Variants in ATP7A observed in about 807,000 individuals in gnomAD.
ATP7A encodes the protein ATPase copper transporting alpha.
Under a neutral mutation model 83.5 loss-of-function variants are expected in ATP7A, and 7 were observed. That is an observed-to-expected ratio of 0.08 (90% CI 0.05 to 0.16). The LOEUF is 0.16. ATP7A is among the 10% of genes least tolerant of loss of function. The pLI is 1.00. For missense variants in ATP7A, 940 were observed against 1,120.8 expected, an observed-to-expected ratio of 0.84 and a Z score of 2.30; for synonymous variants, 354 against 395.2, an observed-to-expected ratio of 0.90 and a Z score of 1.24.
rs1453625367 is a variant in ATP7A, at chrX:78,002,993, A to G, written c.1544-80A>G. On this transcript the variant is annotated intron_variant, in intron 5 of 22. Coordinates refer to ENST00000341514, the MANE Select transcript of ATP7A (RefSeq NM_000052.7). The stretch of plus-strand genomic sequence containing the variant: ...CTTAAGAGAAATCCTTTCATACTTG[A>G]TAATACTAAGAAGTAATTATAACAT... 10 of 995,727 alleles carry G rather than the reference A, an allele frequency of 1.0e-5. No individual in the cohort carries two copies. The East Asian group carries it at 3.2e-4, about 31-fold the overall frequency. The allele number at this position is 995,727 out of a possible 1,213,427, so 82.1% of individuals were successfully genotyped here.
intron 4 of ATP7A, among the ~76,000 whole-genome samples, chrX:77,992,393 C>T (rs1327403077): frequency 9.0e-6 from 1 of 110,547 alleles, no homozygotes; most frequent in Non-Finnish European, 1.9e-5. Flanking sequence ...AAAAGAGATA[C>T]ATAGTTCTCT....
chrX:77,956,726 C>CCTTTCTTT (rs202001825), intron 1 of ATP7A, among the ~76,000 whole-genome samples: 10,819 of 73,539 alleles, frequency 0.15, 978 homozygotes, highest in Middle Eastern at 0.18. Context: ...TACCCAGTCT[C>CCTTTCTTT]CTTTCTTTCT....
At chrX:78,039,355 C>T (rs941118688) in intron 18 of ATP7A, among the ~76,000 whole-genome samples, 6 of 110,659 alleles carry the variant, frequency 5.4e-5, no homozygotes, top group African/African-American at 1.3e-4. Context: ...TTTTTTGAGA[C>T]GGAGTTTCTC....
At chrX:77,916,096 T>A (rs1232654676) in intron 1 of ATP7A, among the ~76,000 whole-genome samples, 1 of 111,006 alleles carries the variant, frequency 9.0e-6, no homozygotes, top group Non-Finnish European at 1.9e-5. Flanking sequence ...GGCTCACGCC[T>A]GTAATCTCAG....
intron 2 of ATP7A, chrX:77,974,820 T>G (rs1411944120): frequency 6.8e-6 from 2 of 295,380 alleles, no homozygotes; most frequent in African/African-American, 5.5e-5. Flanking sequence ...TAAGCCTCAC[T>G]TGGTCCAAGA....
intron 4 of ATP7A, among the ~76,000 whole-genome samples, chrX:77,995,587 AAGAG>A (rs1557232460): frequency 1.9e-5 from 2 of 107,569 alleles, no homozygotes; most frequent in Non-Finnish European, 3.8e-5. Context: ...AAAAAAAAAA[AAGAG>A]GTAGTGAGAA....
intron 2 of ATP7A, among the ~76,000 whole-genome samples, chrX:77,986,858 C>G (rs1166073756): frequency 8.9e-6 from 1 of 112,010 alleles, no homozygotes; most frequent in African/African-American, 3.2e-5. Flanking sequence ...CCAGAATGAT[C>G]CTTCTCTAAA....
intron 4 of ATP7A, among the ~76,000 whole-genome samples, chrX:77,994,673 G>C (rs1244396021): frequency 1.8e-5 from 2 of 110,440 alleles, no homozygotes; most frequent in Non-Finnish European, 3.8e-5. Flanking sequence ...CTGAGTGGCT[G>C]GGACTATAGG....
chrX:77,984,946 G>A (rs2077626797), intron 2 of ATP7A, among the ~76,000 whole-genome samples: 1 of 112,136 alleles, frequency 8.9e-6, no homozygotes, highest in African/African-American at 3.2e-5. Context: ...AGTATTTTAT[G>A]CATAGTTTTC....
chrX:77,989,259 A>G lies in ATP7A; in HGVS notation c.637A>G (p.Ile213Val), dbSNP rs1557231735. 8.3e-7 allele frequency: 1 copy of G among 1,207,954 alleles called. No homozygotes were observed. Among genetic ancestry groups the G allele is most frequent in the Admixed American group, 2.2e-5 (1 of 45,883 alleles). ...KVSLDNQEATIVYQPHLISVE... is the reference protein window; with the variant it reads ...KVSLDNQEATVVYQPHLISVE... ...CTCCCTGGACAATCAAGAAGCTACT[A>G]TTGTTTATCAACCTCATCTTATCTC... Residue 213 changes from isoleucine (I) to valine (V), a missense_variant, in exon 4 of 23, where the codon ATT becomes GTT. Ile to Val is a conservative substitution (Grantham distance 29). This residue lies in a region of ATP7A where 350 missense variants were observed against 432.8 expected (regional missense o/e 0.81). Transcript: ENST00000341514.
At chrX:77,931,662 C>T (rs1557224306) in intron 1 of ATP7A, among the ~76,000 whole-genome samples, 1 of 102,826 alleles carries the variant, frequency 9.7e-6, no homozygotes, top group African/African-American at 3.6e-5. Flanking sequence ...CCACCTCCCT[C>T]CCGGACGGGG....
At position 78,031,705 on chromosome X, in the gene ATP7A, T is replaced by C. The variant is rs1031491592; in HGVS notation, c.3294+123T>C. 6.9e-5 allele frequency: 52 copies of C among 750,257 alleles called. 1 individual carries two copies. The African/African-American group carries it at 1.0e-3, about 14-fold the overall frequency. The allele number at this position is 750,257 out of a possible 1,213,427, so 61.8% of individuals were successfully genotyped here. ...GTTGGTATGAGGCTAAAAAGACTTG[T>C]ATTTTCTCATTTAATTGTATGTAAC... On this transcript the variant is annotated intron_variant, in intron 16 of 22. Transcript: ENST00000341514.
intron 1 of ATP7A, among the ~76,000 whole-genome samples, chrX:77,948,808 A>G (rs782197811): frequency 5.7e-4 from 64 of 111,879 alleles, no homozygotes; most frequent in Non-Finnish European, 1.1e-3. Context: ...AGGGAATCGT[A>G]AAAATTATGT....
intron 1 of ATP7A, among the ~76,000 whole-genome samples, chrX:77,945,401 A>G (rs1557226079): frequency 9.2e-6 from 1 of 108,775 alleles, no homozygotes; most frequent in African/African-American, 3.4e-5. Context: ...GCTGGTCTCA[A>G]ATTCCCAGAC....
intron 1 of ATP7A, among the ~76,000 whole-genome samples, chrX:77,961,545 C>G (rs1348405157): frequency 1.8e-5 from 2 of 111,995 alleles, no homozygotes; most frequent in African/African-American, 6.5e-5. Flanking sequence ...AGGAGCAAGT[C>G]TGAGTTCTGT....
intron 4 of ATP7A, 136 bp from the exon 5 acceptor site, chrX:77,998,342 G>A: frequency 5.0e-6 from 3 of 599,770 alleles, no homozygotes; most frequent in Non-Finnish European, 8.4e-6. Flanking sequence ...ATAACTTAAT[G>A]CTAACGGATA....
intron 6 of ATP7A, among the ~76,000 whole-genome samples, chrX:78,004,289 C>G (rs111940792): frequency 0.28 from 30,958 of 111,020 alleles, 3,165 homozygotes; most frequent in South Asian, 0.36. Context: ...ATGATTAACA[C>G]TGTTTATCTC....
Position 78,046,635 on chromosome X carries a change from T to G in ATP7A, c.*65T>G. ...CTGACACAGCATTCATGATGTTACC[T>G]TCACTTTTCAAAATATTGTAGAAGG... On this transcript the variant is annotated 3_prime_UTR_variant, in exon 23 of 23. Transcript: ENST00000341514. The G allele has an allele frequency of 8.6e-7, 1 of 1,157,902 alleles. No individual in the cohort carries two copies. Among genetic ancestry groups the G allele is most frequent in the Middle Eastern group, 2.8e-4 (1 of 3,586 alleles).
At chrX:77,980,383 T>G (rs2077598190) in intron 2 of ATP7A, among the ~76,000 whole-genome samples, 1 of 109,788 alleles carries the variant, frequency 9.1e-6, no homozygotes, top group African/African-American at 3.3e-5. Context: ...AGGTGGAGGT[T>G]GCAGTGAGCC....
Sources: allele counts gnomAD v4.1 joint callset (sites outside exome capture counted in the v4.1 genomes callset), GRCh38; gene constraint gnomAD v4.1.1; regional missense constraint gnomAD v4.1.1; transcripts MANE v1.5; gene names NCBI Gene and HGNC (gene_info 2026-07-23, HGNC 2026-07-21).